RXRA: variants seen among roughly 807,000 people sequenced by gnomAD.
RXRA encodes retinoic acid receptor RXR-alpha.
In RXRA, 5 loss-of-function variants were observed where a neutral mutation model predicts 44.5. That is an observed-to-expected ratio of 0.11 (90% CI 0.06 to 0.24). RXRA has a LOEUF of 0.24. Among genes scored for constraint, RXRA ranks in the 10% least tolerant of loss-of-function variants. RXRA has a pLI of 1.00. For synonymous variants in RXRA, 291 were observed against 271.4 expected (o/e 1.07, Z -0.71); for missense variants, 412 against 646.5 (o/e 0.64, Z 3.93).
chr9:134,428,921 T>C (rs1478414820), intron 6 of RXRA, among the ~76,000 whole-genome samples, 187 bp from the exon 7 acceptor site: 2 of 152,156 alleles, frequency 1.3e-5, no homozygotes, highest in Admixed American at 6.5e-5. Flanking sequence ...CGTGTGCCGG[T>C]GTGTACTGTA....
intron 1 of RXRA, among the ~76,000 whole-genome samples, chr9:134,327,384 C>T (rs1351357309): frequency 6.6e-6 from 1 of 152,138 alleles, no homozygotes; most frequent in African/African-American, 2.4e-5. Context: ...CCGGTAGCTT[C>T]CTATCCCAGA....
At chr9:134,392,023 A>G (rs1564282548) in intron 1 of RXRA, among the ~76,000 whole-genome samples, 1 of 152,186 alleles carries the variant, frequency 6.6e-6, no homozygotes, top group Non-Finnish European at 1.5e-5. Context: ...CAGCTCTTCT[A>G]CCACATGATG....
intron 1 of RXRA, among the ~76,000 whole-genome samples, chr9:134,338,494 C>G (rs989224856): frequency 3.3e-5 from 5 of 152,226 alleles, no homozygotes; most frequent in Admixed American, 3.3e-4. Context: ...CAGGGGAGGT[C>G]ACTGCCACTC....
At chr9:134,402,147 C>A in intron 2 of RXRA, 1 of 522,246 alleles carries the variant, frequency 1.9e-6, no homozygotes, top group Non-Finnish European at 3.4e-6. Context: ...CTTCCCATGC[C>A]GGAGGGCTCG....
chr9:134,390,051 T>A (rs1013034937), intron 1 of RXRA, among the ~76,000 whole-genome samples: 1 of 152,104 alleles, frequency 6.6e-6, no homozygotes, highest in Non-Finnish European at 1.5e-5. Flanking sequence ...GTCAGAGCCT[T>A]GATGAGGATG....
rs952883832 is a variant in RXRA at position 134,433,997 on chromosome 9, C to T, written c.1136-105C>T. 7.8e-6 allele frequency: 6 copies of T among 769,960 alleles called. No homozygotes were observed. The highest frequency in any genetic ancestry group is 6.9e-5 in the Admixed American group (3 of 43,646). The allele number at this position is 769,960 out of a possible 1,614,324, so 47.7% of individuals were successfully genotyped here. A position where few individuals can be genotyped will look rare whatever the true frequency, so the allele number is the denominator to read the frequency against. On this transcript the variant is annotated intron_variant, in intron 8 of 9. Coordinates refer to ENST00000481739, the MANE Select transcript of RXRA (RefSeq NM_002957.6). This position sits in a 1 kb window ranked among gnomAD's most constrained non-coding sequence, Gnocchi z 4.2. ...GCATTCCTCCACCACCTGCTCTGCC[C>T]ATGGTGGGGCAGCCTGGGAGACCCC...
chr9:134,337,672 G>C (rs559951082), intron 1 of RXRA, among the ~76,000 whole-genome samples: 1 of 152,132 alleles, frequency 6.6e-6, no homozygotes, highest in South Asian at 2.1e-4. Flanking sequence ...TGAAGGATGC[G>C]TAGGAGTTGG....
intron 8 of RXRA, among the ~76,000 whole-genome samples, chr9:134,432,355 A>G (rs1831546073): frequency 6.6e-6 from 1 of 152,216 alleles, no homozygotes; most frequent in Non-Finnish European, 1.5e-5. Flanking sequence ...GAAGTTCAGG[A>G]GTCCCAAGCC....
chr9:134,423,259 G>A (rs1038247317), intron 6 of RXRA: 24 of 985,328 alleles, frequency 2.4e-5, no homozygotes, highest in Non-Finnish European at 2.5e-5. Context: ...ACTGCCCGAC[G>A]ATGGTGCTGG....
intron 2 of RXRA, chr9:134,404,117 C>T (rs952829918): frequency 3.3e-5 from 5 of 152,252 alleles, no homozygotes; most frequent in Admixed American, 2.0e-4. Context: ...TGTGCCCCCA[C>T]TCCTAGCCCC....
chr9:134,389,908 C>T (rs777348387), intron 1 of RXRA, among the ~76,000 whole-genome samples: 5 of 152,176 alleles, frequency 3.3e-5, no homozygotes, highest in South Asian at 2.1e-4. Context: ...GGCTGGGCAC[C>T]GAGGAGCAGA....
intron 5 of RXRA, among the ~76,000 whole-genome samples, chr9:134,419,474 T>C (rs1831292361): frequency 6.6e-6 from 1 of 152,164 alleles, no homozygotes; most frequent in Non-Finnish European, 1.5e-5. Flanking sequence ...CATCTCACAC[T>C]GAACGCTCCT....
Position 134,343,668 on chromosome 9 carries a change from C to T in RXRA, c.28+17009C>T, listed in dbSNP as rs1226436146. 7.2e-5 allele frequency among the ~76,000 whole-genome samples: 11 copies of T among 152,118 alleles called. No homozygotes were observed. The highest frequency in any genetic ancestry group is 2.7e-4 in the African/African-American group (11 of 41,400). ...GCCCTGTCCCCATCTTGCTCAGTGGCCAGAGGAGAGACCGTGTGCACTTGG... is the reference window on the plus strand; with the variant it reads ...GCCCTGTCCCCATCTTGCTCAGTGGTCAGAGGAGAGACCGTGTGCACTTGG... On this transcript the variant is annotated intron_variant, in intron 1 of 9. Coordinates refer to ENST00000481739, the MANE Select transcript of RXRA (RefSeq NM_002957.6). This position sits in a 1 kb window ranked among gnomAD's most constrained non-coding sequence, Gnocchi z 4.1.
intron 6 of RXRA, chr9:134,425,794 G>A (rs1307371923): frequency 4.1e-6 from 4 of 985,314 alleles, no homozygotes; most frequent in Non-Finnish European, 4.8e-6. Flanking sequence ...AAGCCCCATG[G>A]GGACAGCAGC....
At chr9:134,338,053 G>A (rs1410466967) in intron 1 of RXRA, among the ~76,000 whole-genome samples, 2 of 152,234 alleles carry the variant, frequency 1.3e-5, no homozygotes, top group Non-Finnish European at 2.9e-5. Context: ...GCCAGCGGGG[G>A]AGATGGGCGG....
At chr9:134,379,764 G>A (rs1588275007) in intron 1 of RXRA, 2 of 985,358 alleles carry the variant, frequency 2.0e-6, no homozygotes, top group East Asian at 1.1e-4. Flanking sequence ...CCTGTGGTCT[G>A]TAGGGACCTG....
rs372346066 is a variant in RXRA at position 134,377,318 on chromosome 9, C to T, written c.29-24314C>T. Among the ~76,000 whole-genome samples the T allele has an allele frequency of 1.5e-3, 221 of 152,320 alleles. 1 individual carries two copies. Among genetic ancestry groups the T allele is most frequent in the South Asian group, 7.7e-3 (37 of 4,826 alleles). On this transcript the variant is annotated intron_variant, in intron 1 of 9. Transcript: ENST00000481739. The stretch of plus-strand genomic sequence containing the variant: ...GCCACATGCTGTCCCACATGGAAGG[C>T]GATGGCGTTGTCCCCATCACTGCCT...
intron 1 of RXRA, among the ~76,000 whole-genome samples, chr9:134,371,390 A>C (rs948296792): frequency 6.6e-6 from 1 of 152,174 alleles, no homozygotes; most frequent in Non-Finnish European, 1.5e-5. Flanking sequence ...AGGCAGGGCC[A>C]GGGTAGCCGT....
chr9:134,423,268 G>T, intron 6 of RXRA: 1 of 985,464 alleles, frequency 1.0e-6, no homozygotes, highest in Non-Finnish European at 1.2e-6. Flanking sequence ...CGATGGTGCT[G>T]GTCACTGTCC....
Sources: gnomAD v4.1 joint callset for allele counts (sites outside exome capture counted in the v4.1 genomes callset) on GRCh38, gnomAD v4.1.1 for gene constraint, Gnocchi (gnomAD v3.1) non-coding constraint, MANE v1.5 for transcripts, NCBI Gene and HGNC (gene_info 2026-07-23, HGNC 2026-07-21) for gene names.